Variants in ASPRV1 observed in about 807,000 individuals in gnomAD.
The protein encoded by ASPRV1 is aspartic peptidase retroviral like 1.
Under a neutral mutation model 11.0 loss-of-function variants are expected in ASPRV1, and 7 were observed. The ratio of observed to expected loss-of-function variants is 0.64; its 90% CI spans 0.36 to 1.20. The LOEUF (loss-of-function observed/expected upper bound fraction) is 1.20. Among genes scored for constraint, ASPRV1 ranks in the 50% most tolerant of loss-of-function variants. ASPRV1 has a pLI of 0.02. For synonymous variants in ASPRV1, 136 were observed against 138.4 expected, an observed-to-expected ratio of 0.98 and a Z score of 0.12; for missense variants, 299 against 320.0, an observed-to-expected ratio of 0.93 and a Z score of 0.50.
the ASPRV1 span, among the ~76,000 whole-genome samples, chr2:70,068,366 G>A: frequency 2.0e-5 from 3 of 152,196 alleles, no homozygotes; most frequent in Non-Finnish European, 4.4e-5. Context: ...TGAAGAAAGA[G>A]CTAGTTTCAC....
chr2:69,962,983 G>C (rs1678186480), upstream of ASPRV1: 1 of 312,832 alleles, frequency 3.2e-6, no homozygotes, highest in South Asian at 2.7e-5. Flanking sequence ...TGGCACACCT[G>C]TGGCTCTGGG....
chr2:70,021,146 A>G, the ASPRV1 span, among the ~76,000 whole-genome samples: 3 of 152,138 alleles, frequency 2.0e-5, 1 homozygote, highest in African/African-American at 7.2e-5. Flanking sequence ...AGGTAGAATC[A>G]CATGGTGTTT....
the ASPRV1 span, chr2:69,935,406 C>T: frequency 2.5e-6 from 4 of 1,613,978 alleles, no homozygotes; most frequent in South Asian, 1.1e-5. Context: ...GCCACTTGGA[C>T]CCGAATCAAG....
chr2:70,034,334 C>T, the ASPRV1 span, among the ~76,000 whole-genome samples: 2 of 151,338 alleles, frequency 1.3e-5, no homozygotes, highest in Admixed American at 6.6e-5. Context: ...TTTGGGAGGC[C>T]GAGGCGGGCA....
chr2:69,985,357 T>C, the ASPRV1 span, among the ~76,000 whole-genome samples: 1 of 152,198 alleles, frequency 6.6e-6, no homozygotes, highest in Non-Finnish European at 1.5e-5. Context: ...TGCGAAGTCC[T>C]TCCCTTGTTT....
At chr2:70,037,856 C>A in the ASPRV1 span, among the ~76,000 whole-genome samples, 1 of 152,042 alleles carries the variant, frequency 6.6e-6, no homozygotes, top group Admixed American at 6.6e-5. Context: ...AACTTGTAAT[C>A]CATTTAGAAT....
the ASPRV1 span, among the ~76,000 whole-genome samples, chr2:70,063,458 A>C: frequency 1.3e-5 from 2 of 152,084 alleles, no homozygotes; most frequent in African/African-American, 4.8e-5. Flanking sequence ...CTGAACTCCT[A>C]AGGCTGCTGA....
the ASPRV1 span, among the ~76,000 whole-genome samples, chr2:70,021,772 G>A: frequency 1.9e-4 from 29 of 150,852 alleles, no homozygotes; most frequent in African/African-American, 6.8e-4. Flanking sequence ...GCACGATCTC[G>A]GCTCACTGCA....
the ASPRV1 span, among the ~76,000 whole-genome samples, chr2:69,999,742 CACA>C: frequency 6.6e-6 from 1 of 151,782 alleles, no homozygotes; most frequent in African/African-American, 2.4e-5. Context: ...GGAGCCTCCA[CACA>C]ACAATCCCAA....
chr2:69,956,824 A>G (rs993203852), downstream of ASPRV1, among the ~76,000 whole-genome samples: 4 of 152,202 alleles, frequency 2.6e-5, no homozygotes, highest in African/African-American at 9.7e-5. Context: ...CTGAGGATGC[A>G]CCATCACTTC....
At chr2:69,972,219 G>A in the ASPRV1 span, among the ~76,000 whole-genome samples, 3 of 151,374 alleles carry the variant, frequency 2.0e-5, no homozygotes, top group African/African-American at 4.9e-5. Flanking sequence ...CCACCACCAC[G>A]CCTGGCTAAT....
chr2:70,020,362 G>A, the ASPRV1 span, among the ~76,000 whole-genome samples: 1 of 152,158 alleles, frequency 6.6e-6, no homozygotes, highest in Non-Finnish European at 1.5e-5. Flanking sequence ...AGTGATGAAT[G>A]GATGGACAAA....
chr2:70,008,893 C>CAG, the ASPRV1 span, among the ~76,000 whole-genome samples: 1 of 152,148 alleles, frequency 6.6e-6, no homozygotes, highest in African/African-American at 2.4e-5. Context: ...GGCATTCAGT[C>CAG]TGTGCAAGAG....
At chr2:69,959,073 G>C (rs941470765), downstream of ASPRV1, among the ~76,000 whole-genome samples, 2 of 152,102 alleles carry the variant, frequency 1.3e-5, no homozygotes. Flanking sequence ...GGCCAGGGAC[G>C]GGCAGCTGAT....
At chr2:70,019,812 G>A in the ASPRV1 span, among the ~76,000 whole-genome samples, 2 of 152,140 alleles carry the variant, frequency 1.3e-5, no homozygotes, top group African/African-American at 4.8e-5. Flanking sequence ...TTGTTAGACA[G>A]GAGGAACAAG....
Position 69,960,695 on chromosome 2 carries a change from G to A in ASPRV1, c.742C>T (p.Pro248Ser). 1 of 1,613,924 alleles carries A rather than the reference G, an allele frequency of 6.2e-7. No individual in the cohort carries two copies. Among genetic ancestry groups the A allele is most frequent in the Non-Finnish European group, 8.5e-7 (1 of 1,179,982 alleles). ...EFDLELIEEDPSSEEGRQELS... is the reference protein window; with the variant it reads ...EFDLELIEEDSSSEEGRQELS... ...TCCTGCCGCCCTTCTTCTGAGGAGG[G>A]GTCCTCCTCTATGAGCTCCAGGTCA... The change falls in exon 1 of 1, where the codon CCC (proline) becomes TCC (serine). Residue 248 changes from proline (P) to serine (S), a missense_variant. Transcript: ENST00000320256.
At chr2:70,034,256 T>C in the ASPRV1 span, among the ~76,000 whole-genome samples, 1 of 151,590 alleles carries the variant, frequency 6.6e-6, no homozygotes, top group East Asian at 1.9e-4. Context: ...GTTTCGCTCT[T>C]GTTGCCCAGG....
the ASPRV1 span, among the ~76,000 whole-genome samples, chr2:69,969,369 G>A: frequency 3.3e-5 from 5 of 152,146 alleles, no homozygotes; most frequent in Non-Finnish European, 5.9e-5. Context: ...GCGGTTCCCC[G>A]AGGCTGCAGT....
chr2:69,949,919 G>A, the ASPRV1 span, among the ~76,000 whole-genome samples: 58 of 152,288 alleles, frequency 3.8e-4, no homozygotes, highest in Admixed American at 3.4e-3. Flanking sequence ...GGGTTCAAGC[G>A]ATTCTCTTGC....
Sources: allele counts gnomAD v4.1 joint callset (sites outside exome capture counted in the v4.1 genomes callset), GRCh38; gene constraint gnomAD v4.1.1; transcripts MANE v1.5; gene names NCBI Gene and HGNC (gene_info 2026-07-23, HGNC 2026-07-21).